The following NCOA2 variants were observed in gnomAD, a reference collection of about 807,000 sequenced individuals.
NCOA2 encodes nuclear receptor coactivator 2.
Under a neutral mutation model 145.1 loss-of-function variants are expected in NCOA2, and 21 were observed. The observed-to-expected ratio is 0.14, with a 90% confidence interval of 0.10 to 0.21. NCOA2 has a LOEUF of 0.21. Ranked by LOEUF, NCOA2 falls within the 10% of genes least tolerant of loss-of-function variation. The pLI is 1.00. For synonymous variants in NCOA2, 619 were observed against 637.5 expected (o/e 0.97, Z 0.44); for missense variants, 1,472 against 1,837.6 (o/e 0.80, Z 3.64).
At chr8:70,375,738 A>T (rs1397621782) in intron 1 of NCOA2, among the ~76,000 whole-genome samples, 1 of 152,176 alleles carries the variant, frequency 6.6e-6, no homozygotes, top group Admixed American at 6.5e-5. Flanking sequence ...ATATCAGACT[A>T]CCTTACCGAA....
At chr8:70,426,294 T>C in the NCOA2 span, among the ~76,000 whole-genome samples, 1 of 152,206 alleles carries the variant, frequency 6.6e-6, no homozygotes, top group African/African-American at 2.4e-5. Flanking sequence ...TTGTGACCGA[T>C]AAAAACATTC....
intron 1 of NCOA2, among the ~76,000 whole-genome samples, chr8:70,325,680 G>T (rs1006441914): frequency 2.6e-5 from 4 of 152,182 alleles, no homozygotes; most frequent in African/African-American, 9.7e-5. Context: ...TGGGATTACA[G>T]GCGTGAGCTA....
At chr8:70,150,688 CTTT>C (rs1811637809) in intron 11 of NCOA2, among the ~76,000 whole-genome samples, 1 of 152,194 alleles carries the variant, frequency 6.6e-6, no homozygotes, top group Admixed American at 6.5e-5. Flanking sequence ...CTGTAATCTT[CTTT>C]ATCATGTTTT....
chr8:70,415,319 ACT>A, the NCOA2 span, among the ~76,000 whole-genome samples: 1 of 152,032 alleles, frequency 6.6e-6, no homozygotes, highest in Non-Finnish European at 1.5e-5. Flanking sequence ...ACAGAGCAAG[ACT>A]CTGTCCCAAA....
At chr8:70,147,596 G>A (rs1811248827) in intron 12 of NCOA2, among the ~76,000 whole-genome samples, 1 of 152,156 alleles carries the variant, frequency 6.6e-6, no homozygotes, top group Non-Finnish European at 1.5e-5. Context: ...TAAACTGAGT[G>A]TTCATAGTAA....
chr8:70,120,270 C>G (rs1244172581), intron 22 of NCOA2, among the ~76,000 whole-genome samples: 1 of 152,144 alleles, frequency 6.6e-6, no homozygotes, highest in Non-Finnish European at 1.5e-5. Flanking sequence ...TATCTCTTAC[C>G]TTAAAGGGCC....
chr8:70,332,021 A>G (rs1807153228), intron 1 of NCOA2, among the ~76,000 whole-genome samples: 1 of 152,184 alleles, frequency 6.6e-6, no homozygotes, highest in Non-Finnish European at 1.5e-5. Flanking sequence ...TTCAAAAACA[A>G]TACTTATGAA....
the NCOA2 span, among the ~76,000 whole-genome samples, chr8:70,418,495 A>G: frequency 2.0e-5 from 3 of 152,216 alleles, no homozygotes; most frequent in Non-Finnish European, 4.4e-5. Flanking sequence ...GCAAACTCAT[A>G]AACAAGGTGA....
At chr8:70,395,515 G>A (rs76482547) in intron 1 of NCOA2, among the ~76,000 whole-genome samples, 3,142 of 152,218 alleles carry the variant, frequency 0.021, 124 homozygotes, top group African/African-American at 0.07. Flanking sequence ...ATTCTACTAC[G>A]GAATTTCCGT....
the NCOA2 span, among the ~76,000 whole-genome samples, chr8:70,450,857 G>A: frequency 2.7e-5 from 4 of 150,316 alleles, no homozygotes; most frequent in Middle Eastern, 3.2e-3. Context: ...ATGAGCCACC[G>A]TGCCTGGCCA....
At chr8:70,302,795 T>TA (rs1421618309) in intron 1 of NCOA2, among the ~76,000 whole-genome samples, 5 of 152,178 alleles carry the variant, frequency 3.3e-5, no homozygotes, top group African/African-American at 4.8e-5. Context: ...TACAATTTAA[T>TA]AAATTTTCAT....
intron 1 of NCOA2, among the ~76,000 whole-genome samples, chr8:70,403,079 C>T (rs1359809197): frequency 1.3e-5 from 2 of 150,020 alleles, no homozygotes; most frequent in Non-Finnish European, 3.0e-5. Context: ...CCCCGACACC[C>T]CGCTTCACCT....
intron 4 of NCOA2, 32 bp downstream of exon 4, chr8:70,213,871 A>T (rs749771767): frequency 1.8e-4 from 279 of 1,527,982 alleles, no homozygotes; most frequent in Non-Finnish European, 2.4e-4. Context: ...AAACCAATTC[A>T]ACTCTTCAAA....
At chr8:70,317,296 T>G (rs1325843614) in intron 1 of NCOA2, among the ~76,000 whole-genome samples, 2 of 152,100 alleles carry the variant, frequency 1.3e-5, no homozygotes, top group African/African-American at 4.8e-5. Context: ...GTGGACCTGG[T>G]TCAAGCACTT....
intron 2 of NCOA2, among the ~76,000 whole-genome samples, chr8:70,273,169 A>G (rs1471383680): frequency 3.3e-5 from 5 of 152,188 alleles, no homozygotes; most frequent in Non-Finnish European, 7.3e-5. Context: ...TTAAATGATG[A>G]TAAGAGTAGC....
In NCOA2 at chr8:70,162,792, G is replaced by C. The variant is rs779358102; in HGVS notation, c.895C>G (p.Leu299Val). The C allele has an allele frequency of 6.2e-7, 1 of 1,613,922 alleles. No individual in the cohort carries two copies. Among genetic ancestry groups the C allele is most frequent in the East Asian group, 2.2e-5 (1 of 44,882 alleles). ...AACTTCTGAATACACCTTCTTACCA[G>C]GTCCTCCCAGCCTGGTTTCATGGCT... ...RAAMKPGWEDLVRRCIQKFHA... is the reference protein window; with the variant it reads ...RAAMKPGWEDVVRRCIQKFHA... The change falls in exon 9 of 23, where the codon CTG (leucine) becomes GTG (valine). Residue 299 changes from leucine to valine, a missense_variant. Physicochemically the swap from Leu to Val is conservative, Grantham distance 32. This residue lies in a region of NCOA2 where 284 missense variants were observed against 467.8 expected (regional missense o/e 0.61). Transcript: ENST00000452400.
At chr8:70,422,020 G>A in the NCOA2 span, among the ~76,000 whole-genome samples, 1 of 152,068 alleles carries the variant, frequency 6.6e-6, no homozygotes, top group Non-Finnish European at 1.5e-5. Context: ...GCTTGAACCA[G>A]GGAGGTGGAG....
At chr8:70,404,943 A>G (rs945562971), upstream of NCOA2, among the ~76,000 whole-genome samples, 1 of 152,206 alleles carries the variant, frequency 6.6e-6, no homozygotes, top group Admixed American at 6.5e-5. Context: ...CCTGATTTTA[A>G]TCTTATAATG....
At chr8:70,353,195 G>A (rs1279346403) in intron 1 of NCOA2, among the ~76,000 whole-genome samples, 1 of 151,812 alleles carries the variant, frequency 6.6e-6, no homozygotes, top group Non-Finnish European at 1.5e-5. Flanking sequence ...AACCTCTTTA[G>A]GAAAACCAAC....
Sources: gnomAD v4.1 joint callset for allele counts (sites outside exome capture counted in the v4.1 genomes callset) on GRCh38, gnomAD v4.1.1 for gene constraint, gnomAD v4.1.1 regional missense constraint, MANE v1.5 for transcripts, NCBI Gene and HGNC (gene_info 2026-07-23, HGNC 2026-07-21) for gene names.